The following UCHL3 variants were observed in gnomAD, a reference collection of about 807,000 sequenced individuals.
UCHL3 encodes the protein ubiquitin carboxyl-terminal hydrolase isozyme L3.
In UCHL3, 22 loss-of-function variants were observed where a neutral mutation model predicts 35.8. The observed-to-expected ratio is 0.61, with a 90% CI of 0.44 to 0.88. UCHL3 has a LOEUF of 0.88. UCHL3 is among the 40% of genes least tolerant of loss of function. UCHL3 has a pLI of 0.00. For missense variants in UCHL3, 229 were observed against 276.9 expected (o/e 0.83, Z 1.23); for synonymous variants, 90 against 92.8 (o/e 0.97, Z 0.17).
At chr13:75,553,814 G>T (rs1479402850) in intron 2 of UCHL3, among the ~76,000 whole-genome samples, 1 of 152,134 alleles carries the variant, frequency 6.6e-6, no homozygotes, top group South Asian at 2.1e-4. Flanking sequence ...AGAAATATGG[G>T]TTTTCATCTT....
At chr13:75,594,839 G>T in intron 6 of UCHL3, 76 bp from the exon 7 acceptor site, 1 of 999,970 alleles carries the variant, frequency 1.0e-6, no homozygotes, top group South Asian at 1.5e-5. Context: ...GATGTTATTT[G>T]TATGTGTTTA....
At chr13:75,590,176 T>C (rs1483465205) in intron 6 of UCHL3, 15 of 1,204,866 alleles carry the variant, frequency 1.2e-5, no homozygotes, top group Non-Finnish European at 1.5e-5. Flanking sequence ...ACAAGGGCTG[T>C]CTTTTTTTTT....
chr13:75,560,286 C>G (rs1488362157), intron 2 of UCHL3, among the ~76,000 whole-genome samples: 1 of 151,988 alleles, frequency 6.6e-6, no homozygotes, highest in African/African-American at 2.4e-5. Context: ...CCTTAAAAAC[C>G]AAGTGCTGGA....
At chr13:75,581,751 A>T (rs1270463002) in intron 6 of UCHL3, among the ~76,000 whole-genome samples, 3 of 150,606 alleles carry the variant, frequency 2.0e-5, no homozygotes, top group Admixed American at 2.0e-4. Flanking sequence ...AGCATTTCAA[A>T]TACGTTGGTT....
chr13:75,601,214 A>G (rs1482718853), intron 7 of UCHL3, among the ~76,000 whole-genome samples: 1 of 152,238 alleles, frequency 6.6e-6, no homozygotes, highest in Non-Finnish European at 1.5e-5. Flanking sequence ...TGTTAAAATG[A>G]CCACAAACCA....
chr13:75,566,073 A>G (rs1318527302), intron 3 of UCHL3, among the ~76,000 whole-genome samples: 1 of 152,230 alleles, frequency 6.6e-6, no homozygotes, highest in African/African-American at 2.4e-5. Flanking sequence ...ATTTTTGCCA[A>G]TGATAAACAA....
At chr13:75,554,926 A>G (rs927319476) in intron 2 of UCHL3, among the ~76,000 whole-genome samples, 6 of 152,176 alleles carry the variant, frequency 3.9e-5, no homozygotes, top group Non-Finnish European at 8.8e-5. Flanking sequence ...GGTAGGCTCC[A>G]ATGTCTGTTC....
rs11616632 is a variant in UCHL3 at position 75,557,511 on chromosome 13, A to G, written c.55-3242A>G. 5.3e-3 allele frequency among the ~76,000 whole-genome samples: 808 copies of G among 152,282 alleles called. 6 individuals are homozygous for G. The highest frequency in any genetic ancestry group is 9.8e-3 in the Non-Finnish European group (664 of 68,002). Reference sequence around the variant, plus strand: ...AGTCAGAGGTTTTTTTGGTTATTTTATTACTCAATATTTAAGTTTGAAAAG... The same window carrying G: ...AGTCAGAGGTTTTTTTGGTTATTTTGTTACTCAATATTTAAGTTTGAAAAG... On this transcript the variant is annotated intron_variant, in intron 2 of 8. Transcript: ENST00000377595.
At position 75,598,576 on chromosome 13, in the gene UCHL3, G is replaced by A. The variant is rs193142586; in HGVS notation, c.550+3586G>A. ...CATTTATTTTAAGAGTATAGGGCCA[G>A]TTACTTTGAGATTATCCTCCAATTT... On this transcript the variant is annotated intron_variant, in intron 7 of 8. Coordinates refer to ENST00000377595, the MANE Select transcript of UCHL3 (RefSeq NM_006002.5). 3.5e-4 allele frequency among the ~76,000 whole-genome samples: 54 copies of A among 152,284 alleles called. 1 individual carries two copies. The South Asian group carries it at 0.011, about 31-fold the overall frequency.
At chr13:75,563,922 G>C (rs1045540189) in intron 3 of UCHL3, among the ~76,000 whole-genome samples, 7 of 150,462 alleles carry the variant, frequency 4.7e-5, no homozygotes, top group African/African-American at 1.5e-4. Context: ...TAATATTTCT[G>C]TGTGTGTGTG....
chr13:75,603,525 G>A (rs1429321273), intron 7 of UCHL3, among the ~76,000 whole-genome samples: 1 of 152,076 alleles, frequency 6.6e-6, no homozygotes, highest in African/African-American at 2.4e-5. Flanking sequence ...TTATAATTTG[G>A]TTAGGGAGGG....
chr13:75,566,603 A>G, intron 3 of UCHL3, 92 bp from the exon 4 acceptor site: 3 of 776,074 alleles, frequency 3.9e-6, no homozygotes, highest in Non-Finnish European at 5.5e-6. Context: ...TCATAATAAT[A>G]TTTTTTATCA....
chr13:75,549,913 C>T, intron 1 of UCHL3, 51 bp downstream of exon 1: 1 of 1,614,106 alleles, frequency 6.2e-7, no homozygotes, highest in Non-Finnish European at 8.5e-7. Flanking sequence ...CAGAGGGAGC[C>T]GGCTTGCTGC....
In UCHL3 at chr13:75,587,523, G is replaced by T. The variant is rs910576937; in HGVS notation, c.475-7392G>T. Among the ~76,000 whole-genome samples the T allele has an allele frequency of 2.6e-5, 4 of 151,982 alleles. No individual in the cohort carries two copies. In the East Asian group the frequency reaches 7.7e-4, roughly 29 times the overall value. On this transcript the variant is annotated intron_variant, in intron 6 of 8. Coordinates refer to ENST00000377595, the MANE Select transcript of UCHL3 (RefSeq NM_006002.5). The stretch of plus-strand genomic sequence containing the variant: ...TCCTAGGAAATACTGAAGAATTTAG[G>T]ATTAAAGGGCCATGATATATGTAAC...
At chr13:75,583,299 C>T (rs1038124602) in intron 6 of UCHL3, among the ~76,000 whole-genome samples, 27 of 152,042 alleles carry the variant, frequency 1.8e-4, no homozygotes, top group African/African-American at 6.5e-4. Context: ...ACACACACAC[C>T]CACAAGCTTT....
chr13:75,574,683 TA>T (rs1169625659), intron 6 of UCHL3, among the ~76,000 whole-genome samples: 1 of 152,332 alleles, frequency 6.6e-6, no homozygotes, highest in African/African-American at 2.4e-5. Flanking sequence ...TATTAGGCGG[TA>T]ATTTTATTTT....
chr13:75,558,550 G>C (rs138712100), intron 2 of UCHL3, among the ~76,000 whole-genome samples: 3 of 152,182 alleles, frequency 2.0e-5, no homozygotes, highest in African/African-American at 4.8e-5. Context: ...CTCTTATCAG[G>C]GTTCATGATA....
At chr13:75,590,873 T>G (rs75250872) in intron 6 of UCHL3, among the ~76,000 whole-genome samples, 15 of 152,312 alleles carry the variant, frequency 9.8e-5, no homozygotes, top group African/African-American at 3.6e-4. Context: ...TCTTAAATGT[T>G]GAGACTGATG....
chr13:75,572,775 G>C (rs2031902813), intron 6 of UCHL3, among the ~76,000 whole-genome samples: 1 of 152,104 alleles, frequency 6.6e-6, no homozygotes, highest in Admixed American at 6.5e-5. Flanking sequence ...TAACATTTTG[G>C]AAAGGGTTCA....
Sources: gnomAD v4.1 joint callset for allele counts (sites outside exome capture counted in the v4.1 genomes callset) on GRCh38, gnomAD v4.1.1 for gene constraint, MANE v1.5 for transcripts, NCBI Gene and HGNC (gene_info 2026-07-23, HGNC 2026-07-21) for gene names.